Variants in CHN2 observed in about 807,000 individuals in gnomAD.
CHN2 encodes the protein chimerin 2.
Under a neutral mutation model 56.3 loss-of-function variants are expected in CHN2, and 35 were observed. That is an observed-to-expected ratio of 0.62 (90% confidence interval 0.47 to 0.82). CHN2 has a LOEUF of 0.82. Ranked by LOEUF, CHN2 falls within the 40% of genes least tolerant of loss-of-function variation. The probability of loss-of-function intolerance (pLI) is 0.00; values close to 1 mark genes in which losing one functional copy is unlikely to be tolerated. For missense variants in CHN2, 491 were observed against 580.5 expected, an observed-to-expected ratio of 0.85 and a Z score of 1.58; for synonymous variants, 210 against 212.8, an observed-to-expected ratio of 0.99 and a Z score of 0.12.
intron 3 of CHN2, among the ~76,000 whole-genome samples, chr7:29,376,949 T>C (rs1800123298): frequency 6.6e-6 from 1 of 152,210 alleles, no homozygotes. Flanking sequence ...TTTCTGGTAT[T>C]ATACTTCTAA....
chr7:29,254,182 C>T (rs780344732), intron 1 of CHN2, among the ~76,000 whole-genome samples: 1 of 152,142 alleles, frequency 6.6e-6, no homozygotes. Context: ...GGATTACAGG[C>T]GTGAACCACC....
intron 1 of CHN2, among the ~76,000 whole-genome samples, chr7:29,242,759 GAAAAAAAAAAAA>G (rs57273690): frequency 1.0e-4 from 6 of 59,724 alleles, no homozygotes; most frequent in African/African-American, 3.5e-4. Flanking sequence ...CTTTCCTTCT[GAAAAAAAAAAAA>G]AAAAAAAAAA....
chr7:29,239,003 G>T (rs1787430108), intron 1 of CHN2, among the ~76,000 whole-genome samples: 1 of 152,172 alleles, frequency 6.6e-6, no homozygotes, highest in Non-Finnish European at 1.5e-5. Context: ...GAGTGCATGG[G>T]ACATCACTGG....
chr7:29,212,767 C>T (rs1785051871), intron 1 of CHN2: 1 of 1,610,128 alleles, frequency 6.2e-7, no homozygotes, highest in Non-Finnish European at 8.5e-7. Flanking sequence ...GGCAGAAAAA[C>T]AACTGGCCGA....
At chr7:29,169,638 C>T (rs948943780) in intron 2 of CHN2, among the ~76,000 whole-genome samples, 4 of 152,038 alleles carry the variant, frequency 2.6e-5, no homozygotes, top group African/African-American at 9.7e-5. Context: ...TTGGCTTCTG[C>T]CTTTTCATGT....
chr7:29,479,124 A>G (rs1418579230), intron 6 of CHN2, among the ~76,000 whole-genome samples: 5 of 152,220 alleles, frequency 3.3e-5, no homozygotes, highest in Non-Finnish European at 5.9e-5. Flanking sequence ...AGTACTCCCA[A>G]GACATCAGGA....
intron 11 of CHN2, among the ~76,000 whole-genome samples, chr7:29,507,923 C>T (rs570635890): frequency 1.3e-5 from 2 of 152,280 alleles, no homozygotes; most frequent in African/African-American, 4.8e-5. Flanking sequence ...GCGGGTTAGA[C>T]AAGCTTGGTC....
Position 29,201,485 on chromosome 7 carries a change from T to A in CHN2, c.49+6495T>A, listed in dbSNP as rs139734718. ...TTACTTAATACTTTCAAAAAAGAAGTCATAAAGCGCTTTATATTTTAAATG... is the reference window on the plus strand; with the variant it reads ...TTACTTAATACTTTCAAAAAAGAAGACATAAAGCGCTTTATATTTTAAATG... On this transcript the variant is annotated intron_variant, in intron 1 of 12. Transcript: ENST00000222792. Among the ~76,000 whole-genome samples, 274 of 152,180 alleles carry A rather than the reference T, an allele frequency of 1.8e-3. 1 individual carries two copies. The highest frequency in any genetic ancestry group is 6.3e-3 in the African/African-American group (263 of 41,514).
intron 1 of CHN2, among the ~76,000 whole-genome samples, chr7:29,274,381 A>G (rs998432244): frequency 1.1e-4 from 17 of 152,238 alleles, no homozygotes; most frequent in African/African-American, 3.6e-4. Flanking sequence ...AGTTGCTCCA[A>G]GGTCTCTCTG....
At chr7:29,175,637 A>G (rs866807775) in intron 2 of CHN2, among the ~76,000 whole-genome samples, 4 of 152,132 alleles carry the variant, frequency 2.6e-5, no homozygotes, top group East Asian at 1.9e-4. Context: ...TAGATTACCA[A>G]TCTTGAGTAT....
chr7:29,430,733 A>G (rs1264046142), intron 6 of CHN2, among the ~76,000 whole-genome samples: 1 of 151,538 alleles, frequency 6.6e-6, no homozygotes, highest in Non-Finnish European at 1.5e-5. Flanking sequence ...GCCAAGCTTA[A>G]CTTAACAGAG....
intron 1 of CHN2, among the ~76,000 whole-genome samples, chr7:29,310,631 C>T (rs902159741): frequency 2.6e-5 from 4 of 152,216 alleles, no homozygotes; most frequent in African/African-American, 9.6e-5. Context: ...ATAACAAAAA[C>T]ATCACAGAGT....
chr7:29,435,013 G>A (rs1453557729), intron 6 of CHN2, among the ~76,000 whole-genome samples: 1 of 152,010 alleles, frequency 6.6e-6, no homozygotes, highest in African/African-American at 2.4e-5. Context: ...GATAGCTTAA[G>A]CCCGGAAAGT....
chr7:29,503,872 C>G lies in CHN2; in HGVS notation c.914-872C>G, dbSNP rs190930810. On this transcript the variant is annotated intron_variant, in intron 9 of 12. Transcript: ENST00000222792. ...GCAGCTAGTTTGTGACATACAAAGTCTGAAACCCAGTCCTTTATCCCTGCT... is the reference window on the plus strand; with the variant it reads ...GCAGCTAGTTTGTGACATACAAAGTGTGAAACCCAGTCCTTTATCCCTGCT... Among the ~76,000 whole-genome samples, 3 of 152,284 alleles carry G rather than the reference C, an allele frequency of 2.0e-5. No homozygotes were observed. The East Asian group carries it at 5.8e-4, about 29-fold the overall frequency.
At chr7:29,396,585 C>CTGCTATTG (rs1228819031) in intron 4 of CHN2, 3 of 152,218 alleles carry the variant, frequency 2.0e-5, no homozygotes, top group African/African-American at 7.2e-5. Context: ...GTGCCCTGTC[C>CTGCTATTG]TGCTATTGTT....
chr7:29,252,262 C>T (rs1211597288), intron 1 of CHN2, among the ~76,000 whole-genome samples: 1 of 145,294 alleles, frequency 6.9e-6, no homozygotes, highest in African/African-American at 2.6e-5. Context: ...CATCTCAGCT[C>T]ACTGCAACCT....
chr7:29,179,614 C>T (rs1267290180), intron 2 of CHN2, among the ~76,000 whole-genome samples: 1 of 152,148 alleles, frequency 6.6e-6, no homozygotes, highest in African/African-American at 2.4e-5. Context: ...ATATCCTTTG[C>T]CAAATAGAAT....
chr7:29,273,374 T>C (rs1337962240), intron 1 of CHN2, among the ~76,000 whole-genome samples: 1 of 54,348 alleles, frequency 1.8e-5, no homozygotes, highest in Non-Finnish European at 3.2e-5. Flanking sequence ...TATATATATA[T>C]ATATATATAT....
chr7:29,310,090 A>T (rs1240896643), intron 1 of CHN2, among the ~76,000 whole-genome samples: 1 of 152,218 alleles, frequency 6.6e-6, no homozygotes, highest in African/African-American at 2.4e-5. Flanking sequence ...AATAAACTAC[A>T]TTTAACTTAC....
Sources: gnomAD v4.1 joint callset for allele counts (sites outside exome capture counted in the v4.1 genomes callset) on GRCh38, gnomAD v4.1.1 for gene constraint, MANE v1.5 for transcripts, NCBI Gene and HGNC (gene_info 2026-07-23, HGNC 2026-07-21) for gene names.